MAGI2: variants seen among roughly 807,000 people sequenced by gnomAD.
MAGI2 encodes the protein membrane-associated guanylate kinase, WW and PDZ domain-containing protein 2.
A neutral mutation model predicts 133.3 loss-of-function variants in MAGI2; 35 were observed. That is an observed-to-expected ratio of 0.26 (90% CI 0.20 to 0.35). The LOEUF (loss-of-function observed/expected upper bound fraction) is 0.35. Ranked by LOEUF, MAGI2 falls within the 10% of genes least tolerant of loss-of-function variation. The pLI is 1.00. For missense variants in MAGI2, 1,636 were observed against 1,863.4 expected (o/e 0.88, Z 2.25); for synonymous variants, 729 against 710.6 (o/e 1.03, Z -0.41).
At chr7:78,093,136 CAAAAAAAAAAAAAAAA>C (rs1157039018) in intron 20 of MAGI2, among the ~76,000 whole-genome samples, 1 of 32,322 alleles carries the variant, frequency 3.1e-5, no homozygotes, top group Non-Finnish European at 5.0e-5. Context: ...ACTCCTTCTC[CAAAAAAAAAAAAAAAA>C]AAAAAAAAAA....
chr7:78,490,804 G>A (rs967872481), intron 5 of MAGI2, among the ~76,000 whole-genome samples: 2 of 151,990 alleles, frequency 1.3e-5, no homozygotes, highest in African/African-American at 4.8e-5. Flanking sequence ...GCTGTCTCAA[G>A]GGATCTCATC....
At chr7:78,356,666 A>C (rs1173601984) in intron 7 of MAGI2, among the ~76,000 whole-genome samples, 1 of 152,344 alleles carries the variant, frequency 6.6e-6, no homozygotes, top group South Asian at 2.1e-4. Context: ...TTTATGTAAC[A>C]GGGTGGAACC....
chr7:78,648,104 C>A (rs562772852), intron 2 of MAGI2, among the ~76,000 whole-genome samples: 2 of 152,196 alleles, frequency 1.3e-5, no homozygotes, highest in South Asian at 4.2e-4. Flanking sequence ...ATGTAACAAA[C>A]CTGCAAGTTG....
At chr7:78,917,219 C>A (rs1316547185) in intron 2 of MAGI2, among the ~76,000 whole-genome samples, 1 of 151,834 alleles carries the variant, frequency 6.6e-6, no homozygotes, top group Non-Finnish European at 1.5e-5. Flanking sequence ...AGAACATAGG[C>A]TAAATGAAAC....
intron 1 of MAGI2, among the ~76,000 whole-genome samples, chr7:79,038,982 A>G (rs1338823437): frequency 6.6e-6 from 1 of 152,216 alleles, no homozygotes; most frequent in East Asian, 1.9e-4. Flanking sequence ...AGTTTTTGCA[A>G]TTACATAAAT....
At chr7:78,556,030 T>C (rs1273764251) in intron 3 of MAGI2, among the ~76,000 whole-genome samples, 1 of 152,184 alleles carries the variant, frequency 6.6e-6, no homozygotes, top group Non-Finnish European at 1.5e-5. Flanking sequence ...AGGCCTTAAA[T>C]TCAATATATG....
intron 1 of MAGI2, among the ~76,000 whole-genome samples, chr7:79,157,243 AAGGCACCCTT>A (rs992513723): frequency 1.3e-5 from 2 of 152,050 alleles, no homozygotes; most frequent in African/African-American, 4.8e-5. Flanking sequence ...TCCCAGCCAA[AAGGCACCCTT>A]AGGTGACTGG....
intron 2 of MAGI2, among the ~76,000 whole-genome samples, chr7:78,667,688 A>C (rs1813788419): frequency 6.6e-6 from 1 of 151,724 alleles, no homozygotes; most frequent in East Asian, 1.9e-4. Context: ...ATGATTTCCA[A>C]TTTCATCCAT....
At chr7:79,419,834 T>G (rs1269890186) in intron 1 of MAGI2, among the ~76,000 whole-genome samples, 1 of 152,024 alleles carries the variant, frequency 6.6e-6, no homozygotes, top group South Asian at 2.1e-4. Context: ...ACTGATGACA[T>G]AAAACATAAA....
intron 2 of MAGI2, among the ~76,000 whole-genome samples, chr7:78,948,030 G>T (rs185058456): frequency 2.2e-4 from 34 of 152,106 alleles, no homozygotes; most frequent in African/African-American, 7.7e-4. Context: ...AGTTAAAATG[G>T]GACGTTGAAG....
rs559365722 is a variant in MAGI2, at chr7:78,658,283, G to C, written c.419-31044C>G. 7.5e-5 allele frequency among the ~76,000 whole-genome samples: 9 copies of C among 120,108 alleles called. No homozygotes were observed. In the South Asian group the frequency reaches 1.3e-3, roughly 17 times the overall value. 78.8% of individuals were successfully genotyped at this position (120,108 alleles called of 152,430 possible). On this transcript the variant is annotated intron_variant, in intron 2 of 21. Transcript: ENST00000354212. The stretch of plus-strand genomic sequence containing the variant: ...AACTGAATATCCATAGGCAAAAAGT[G>C]GTTTTTAAAAAACGACTTTGGCCTT...
chr7:78,093,123 G>A (rs1368739473), intron 20 of MAGI2, among the ~76,000 whole-genome samples: 14 of 134,580 alleles, frequency 1.0e-4, no homozygotes, highest in African/African-American at 2.6e-4. Flanking sequence ...GTGACAGAGC[G>A]GGACTCCTTC....
chr7:78,132,237 C>G (rs1266333932), intron 18 of MAGI2, among the ~76,000 whole-genome samples: 2 of 152,206 alleles, frequency 1.3e-5, no homozygotes, highest in African/African-American at 4.8e-5. Flanking sequence ...CATCATCATT[C>G]TCTGAGCCAT....
At chr7:79,096,787 T>A (rs1049374390) in intron 1 of MAGI2, among the ~76,000 whole-genome samples, 10 of 152,096 alleles carry the variant, frequency 6.6e-5, no homozygotes, top group African/African-American at 2.4e-4. Flanking sequence ...TGCTACCCCT[T>A]CCTCCAGAGT....
chr7:79,291,399 C>T (rs1836474079), intron 1 of MAGI2, among the ~76,000 whole-genome samples: 1 of 152,038 alleles, frequency 6.6e-6, no homozygotes, highest in Admixed American at 6.6e-5. Context: ...TCTGTGTGGA[C>T]ATATGCTTTC....
intron 1 of MAGI2, among the ~76,000 whole-genome samples, chr7:79,055,339 G>A (rs1403508811): frequency 1.3e-5 from 2 of 151,852 alleles, no homozygotes; most frequent in African/African-American, 4.8e-5. Flanking sequence ...ACTGTGTCTG[G>A]CGCATAATAT....
chr7:79,079,638 A>G (rs1457070272), intron 1 of MAGI2, among the ~76,000 whole-genome samples: 1 of 152,134 alleles, frequency 6.6e-6, no homozygotes, highest in African/African-American at 2.4e-5. Flanking sequence ...GAAATGGTTG[A>G]GGTACTCACA....
chr7:79,253,516 A>G (rs12706084), intron 1 of MAGI2, among the ~76,000 whole-genome samples: 92,943 of 151,814 alleles, frequency 0.61, 29,778 homozygotes, highest in Non-Finnish European at 0.71. Flanking sequence ...GGTAGCACAC[A>G]CCTGTGGTCC....
intron 9 of MAGI2, among the ~76,000 whole-genome samples, chr7:78,288,674 A>G (rs1163576866): frequency 1.3e-5 from 2 of 152,252 alleles, no homozygotes; most frequent in South Asian, 2.1e-4. Flanking sequence ...CTGACTCCCA[A>G]GTAGCCTAAC....
Sources: gnomAD v4.1 joint callset for allele counts (sites outside exome capture counted in the v4.1 genomes callset) on GRCh38, gnomAD v4.1.1 for gene constraint, MANE v1.5 for transcripts, NCBI Gene and HGNC (gene_info 2026-07-23, HGNC 2026-07-21) for gene names.